Variants in SCFD2 observed in about 807,000 individuals in gnomAD.
SCFD2 encodes sec1 family domain-containing protein 2.
SCFD2 carries 54 observed loss-of-function variants against 58.9 expected under a neutral mutation model. The observed-to-expected ratio is 0.92, with a 90% confidence interval of 0.74 to 1.15. The LOEUF (loss-of-function observed/expected upper bound fraction) is 1.15. SCFD2 is among the 50% of genes most tolerant of loss of function. The pLI is 0.00. For synonymous variants in SCFD2, 321 were observed against 335.9 expected (o/e 0.96, Z 0.49); for missense variants, 805 against 836.6 (o/e 0.96, Z 0.47).
intron 4 of SCFD2, among the ~76,000 whole-genome samples, chr4:53,188,164 C>T (rs1418091072): frequency 6.6e-6 from 1 of 152,044 alleles, no homozygotes; most frequent in African/African-American, 2.4e-5. Flanking sequence ...AAGCTAAAAC[C>T]TTAATCTCAT....
At chr4:53,097,520 T>A (rs1363977193) in intron 5 of SCFD2, among the ~76,000 whole-genome samples, 1 of 152,208 alleles carries the variant, frequency 6.6e-6, no homozygotes, top group Admixed American at 6.5e-5. Context: ...TCTTTTTGAC[T>A]GTTATTGGTG....
At chr4:52,892,638 G>C (rs1718904292) in intron 7 of SCFD2, among the ~76,000 whole-genome samples, 2 of 152,090 alleles carry the variant, frequency 1.3e-5, no homozygotes, top group Admixed American at 6.5e-5. Flanking sequence ...ACTCCCCTGG[G>C]AAGCTTTCTC....
chr4:52,933,219 G>GA (rs1720043091), intron 5 of SCFD2, among the ~76,000 whole-genome samples: 1 of 152,098 alleles, frequency 6.6e-6, no homozygotes, highest in Non-Finnish European at 1.5e-5. Context: ...CTGTTTCCCT[G>GA]ACCCCGAGAA....
intron 5 of SCFD2, among the ~76,000 whole-genome samples, chr4:53,144,902 T>C (rs1190430682): frequency 5.9e-5 from 9 of 152,170 alleles, no homozygotes; most frequent in Non-Finnish European, 1.3e-4. Context: ...TACCCGTCCA[T>C]GGCCTGTTAG....
rs1266026563 is a variant in SCFD2 at position 52,873,922 on chromosome 4, G to T, written c.*47C>A. 1.4e-6 allele frequency: 2 copies of T among 1,392,018 alleles called. No individual in the cohort carries two copies. The highest frequency in any genetic ancestry group is 2.0e-6 in the Non-Finnish European group (2 of 978,408). 86.2% of individuals were successfully genotyped at this position (1,392,018 alleles called of 1,614,324 possible). ...GTATTTGGAGTGGTGGCAGAAAATTGCATCGGCATTTCCAGCTTGAGTAGG... is the reference window on the plus strand; with the variant it reads ...GTATTTGGAGTGGTGGCAGAAAATTTCATCGGCATTTCCAGCTTGAGTAGG... On this transcript the variant is annotated 3_prime_UTR_variant, in exon 9 of 9. Transcript: ENST00000401642.
intron 4 of SCFD2, among the ~76,000 whole-genome samples, chr4:53,152,542 G>A (rs538571085): frequency 6.6e-6 from 1 of 152,108 alleles, no homozygotes; most frequent in Non-Finnish European, 1.5e-5. Context: ...TCATTCTTAG[G>A]TATAGGGGTT....
intron 5 of SCFD2, among the ~76,000 whole-genome samples, chr4:53,058,900 C>G (rs1016421628): frequency 3.9e-5 from 6 of 152,034 alleles, no homozygotes; most frequent in Non-Finnish European, 7.4e-5. Flanking sequence ...ATAAAACGAG[C>G]CTTTTGGAAG....
In SCFD2 at chr4:53,352,633, A is replaced by G; in HGVS notation, c.972T>C (p.Tyr324=). 2 of 1,613,942 alleles carry G rather than the reference A, an allele frequency of 1.2e-6. No individual in the cohort carries two copies. The highest frequency in any genetic ancestry group is 1.7e-6 in the Non-Finnish European group (2 of 1,179,834). ...AAAGACAGCCTGGTGCAACCACATTATAATTTTCCTCCTCAGTATGGAGTG... is the reference window on the plus strand; with the variant it reads ...AAAGACAGCCTGGTGCAACCACATTGTAATTTTCCTCCTCAGTATGGAGTG... ...LTALHTEEEN[Y]NVVAPGCLSQ... is the part of the protein sequence containing the mutation. Residue 324 remains tyrosine, a synonymous_variant, in exon 2 of 9, where the codon TAT becomes TAC. Transcript: ENST00000401642.
chr4:53,054,476 G>A (rs752291355), intron 5 of SCFD2, among the ~76,000 whole-genome samples: 2 of 152,124 alleles, frequency 1.3e-5, no homozygotes, highest in South Asian at 2.1e-4. Context: ...AAATATTTGC[G>A]AAGTTTGAAT....
chr4:53,106,481 G>C (rs1466018922), intron 5 of SCFD2, among the ~76,000 whole-genome samples: 2 of 152,206 alleles, frequency 1.3e-5, no homozygotes, highest in East Asian at 3.9e-4. Context: ...TTGAAAAAAG[G>C]TTAGAGGAAT....
At chr4:53,061,903 G>A (rs1723523313) in intron 5 of SCFD2, among the ~76,000 whole-genome samples, 1 of 152,070 alleles carries the variant, frequency 6.6e-6, no homozygotes, top group Admixed American at 6.6e-5. Context: ...GAAACAATAA[G>A]TGATTTTTCC....
intron 4 of SCFD2, among the ~76,000 whole-genome samples, chr4:53,242,447 G>A (rs546108262): frequency 4.2e-5 from 6 of 141,460 alleles, no homozygotes; most frequent in Non-Finnish European, 7.6e-5. Flanking sequence ...AACCCCCAAG[G>A]TCACCAAATA....
chr4:53,153,175 A>AT (rs1488199351), intron 4 of SCFD2, among the ~76,000 whole-genome samples: 1 of 152,170 alleles, frequency 6.6e-6, no homozygotes, highest in Non-Finnish European at 1.5e-5. Context: ...GTGTGGGGGC[A>AT]CCAACCTCAC....
chr4:53,058,880 T>C (rs372221802), intron 5 of SCFD2, among the ~76,000 whole-genome samples: 3 of 152,040 alleles, frequency 2.0e-5, no homozygotes, highest in African/African-American at 4.8e-5. Context: ...GGAGATATAC[T>C]TGATGCAAGA....
intron 3 of SCFD2, among the ~76,000 whole-genome samples, chr4:53,307,224 T>C (rs1732543037): frequency 1.3e-5 from 2 of 151,922 alleles, no homozygotes; most frequent in Non-Finnish European, 1.5e-5. Context: ...TGTAGGGAAA[T>C]AGGTAATAGA....
At chr4:53,198,321 T>C (rs1728121540) in intron 4 of SCFD2, among the ~76,000 whole-genome samples, 1 of 152,062 alleles carries the variant, frequency 6.6e-6, no homozygotes. Flanking sequence ...GTTGCTTGTT[T>C]TCTGCCTGCT....
At chr4:53,209,814 T>G (rs1214490007) in intron 4 of SCFD2, among the ~76,000 whole-genome samples, 1 of 152,032 alleles carries the variant, frequency 6.6e-6, no homozygotes, top group Non-Finnish European at 1.5e-5. Context: ...TGATGCATTT[T>G]GAGTGTGATT....
intron 4 of SCFD2, among the ~76,000 whole-genome samples, chr4:53,232,252 T>C (rs552501445): frequency 2.6e-5 from 4 of 152,144 alleles, no homozygotes; most frequent in African/African-American, 7.2e-5. Context: ...ACCATCCCTA[T>C]GTGGACGAAC....
At chr4:52,918,134 G>A (rs1031125833) in intron 6 of SCFD2, among the ~76,000 whole-genome samples, 1 of 147,786 alleles carries the variant, frequency 6.8e-6, no homozygotes, top group Admixed American at 7.0e-5. Context: ...ATGGAGCTGG[G>A]TAGAAAGCAT....
Sources: allele counts gnomAD v4.1 joint callset (sites outside exome capture counted in the v4.1 genomes callset), GRCh38; gene constraint gnomAD v4.1.1; transcripts MANE v1.5; gene names NCBI Gene and HGNC (gene_info 2026-07-23, HGNC 2026-07-21).